The following SV2C variants were observed in gnomAD, a reference collection of about 807,000 sequenced individuals.
SV2C encodes the protein synaptic vesicle glycoprotein 2C.
SV2C carries 49 observed loss-of-function variants against 79.7 expected under a neutral mutation model. That is an observed-to-expected ratio of 0.61 (90% CI 0.49 to 0.78). The LOEUF (loss-of-function observed/expected upper bound fraction) is 0.78, where lower values mean the gene tolerates loss of function less well. Among genes scored for constraint, SV2C ranks in the 30% least tolerant of loss-of-function variants. The pLI, the probability that SV2C is intolerant of heterozygous loss-of-function variation, is 0.00. For synonymous variants in SV2C, 334 were observed against 333.2 expected (o/e 1.00, Z -0.03); for missense variants, 833 against 912.9 (o/e 0.91, Z 1.13).
chr5:76,048,826 A>T, the SV2C span, among the ~76,000 whole-genome samples: 1,968 of 109,048 alleles, frequency 0.018, 62 homozygotes, highest in African/African-American at 0.065. Context: ...AAAAAAAAAA[A>T]TTTTGGGGCT....
intron 1 of SV2C, among the ~76,000 whole-genome samples, chr5:76,087,117 A>G (rs1039979579): frequency 3.3e-5 from 5 of 152,236 alleles, no homozygotes; most frequent in Non-Finnish European, 7.3e-5. Context: ...AAAATTTTAC[A>G]TGAAGCTATA....
chr5:76,064,965 T>G, the SV2C span, among the ~76,000 whole-genome samples: 1 of 152,162 alleles, frequency 6.6e-6, no homozygotes, highest in Non-Finnish European at 1.5e-5. Flanking sequence ...TAAAAGAATC[T>G]TAAAAGGGAA....
chr5:76,285,885 C>G lies in SV2C; in HGVS notation c.1137+15C>G. 6.2e-7 allele frequency: 1 copy of G among 1,604,784 alleles called. No homozygotes were observed. The highest frequency in any genetic ancestry group is 1.7e-5 in the Admixed American group (1 of 58,532). On this transcript the variant is annotated intron_variant, in intron 6 of 12. Coordinates refer to ENST00000502798, the MANE Select transcript of SV2C (RefSeq NM_014979.4). ...AGGTCTTCACGGTGAGTCTTCTCCC[C>G]AGAGAATCCTCAACACCAGGGATTG...
At chr5:76,167,412 C>T (rs1743078030) in intron 2 of SV2C, among the ~76,000 whole-genome samples, 1 of 152,160 alleles carries the variant, frequency 6.6e-6, no homozygotes, top group Non-Finnish European at 1.5e-5. Flanking sequence ...GGGAAAGCCC[C>T]AACCTGCCAT....
At chr5:75,907,587 G>A in the SV2C span, among the ~76,000 whole-genome samples, 2 of 152,124 alleles carry the variant, frequency 1.3e-5, no homozygotes, top group Admixed American at 1.3e-4. Flanking sequence ...TGGGTAAATG[G>A]GAAACATCAT....
intron 6 of SV2C, chr5:76,286,752 A>C (rs950268317): frequency 6.6e-6 from 1 of 152,232 alleles, no homozygotes; most frequent in Admixed American, 6.5e-5. Context: ...TGATCATGGC[A>C]GAAGGGGAAG....
the SV2C span, among the ~76,000 whole-genome samples, chr5:75,941,723 GA>G: frequency 6.6e-6 from 1 of 152,156 alleles, no homozygotes; most frequent in East Asian, 1.9e-4. Flanking sequence ...CAGGCCTCAG[GA>G]AGCAGAATCT....
At chr5:76,056,705 G>A in the SV2C span, among the ~76,000 whole-genome samples, 6 of 140,742 alleles carry the variant, frequency 4.3e-5, no homozygotes, top group South Asian at 1.4e-3. Context: ...GGTCTATTCA[G>A]GGATTTGATT....
Position 76,325,642 on chromosome 5 carries a change from G to A in SV2C, c.*95G>A. On this transcript the variant is annotated 3_prime_UTR_variant, in exon 13 of 13. Coordinates refer to ENST00000502798, the MANE Select transcript of SV2C (RefSeq NM_014979.4). Reference sequence around the variant, plus strand: ...GCTTCAGAGTTTTCCTATATAGAAAGGTGATCAAGTATCAGAACATAAACA... The same window carrying A: ...GCTTCAGAGTTTTCCTATATAGAAAAGTGATCAAGTATCAGAACATAAACA... The A allele has an allele frequency of 2.6e-6, 4 of 1,513,878 alleles. No individual in the cohort carries two copies. Among genetic ancestry groups the A allele is most frequent in the Non-Finnish European group, 3.5e-6 (4 of 1,129,134 alleles). 93.8% of individuals were successfully genotyped at this position (1,513,878 alleles called of 1,614,324 possible). A position where few individuals can be genotyped will look rare whatever the true frequency, so the allele number is the denominator to read the frequency against.
At chr5:76,001,462 C>T in the SV2C span, among the ~76,000 whole-genome samples, 4 of 151,860 alleles carry the variant, frequency 2.6e-5, no homozygotes, top group African/African-American at 9.7e-5. Flanking sequence ...ATTAGCCTGG[C>T]GTGGTGGTGG....
intron 1 of SV2C, among the ~76,000 whole-genome samples, chr5:76,102,690 C>A (rs1460916347): frequency 6.6e-6 from 1 of 152,116 alleles, no homozygotes; most frequent in Admixed American, 6.5e-5. Context: ...AAGTTCTGCC[C>A]ATATACCAAG....
chr5:76,256,162 C>T (rs1411492006), intron 4 of SV2C, among the ~76,000 whole-genome samples: 1 of 152,184 alleles, frequency 6.6e-6, no homozygotes, highest in Non-Finnish European at 1.5e-5. Flanking sequence ...CTCTGGCCCT[C>T]AGAGCTAGAG....
In SV2C at chr5:76,132,183, T is replaced by A; in HGVS notation, c.433T>A (p.Cys145Ser). 1.2e-6 allele frequency: 2 copies of A among 1,614,160 alleles called. No individual in the cohort carries two copies. Among genetic ancestry groups the A allele is most frequent in the Non-Finnish European group, 1.7e-6 (2 of 1,180,030 alleles). Residue 145 changes from cysteine to serine, a missense_variant, in exon 2 of 13, where the codon TGC becomes AGC. Transcript: ENST00000502798. ...GCAGTATGAGCTGATAATCCAAGAA[T>A]GCGGTCATGGTCGTTTTCAGTGGGC... ...AQQYELIIQECGHGRFQWALF... is the reference protein window; with the variant it reads ...AQQYELIIQESGHGRFQWALF...
chr5:76,003,788 T>C, the SV2C span, among the ~76,000 whole-genome samples: 7 of 152,220 alleles, frequency 4.6e-5, no homozygotes, highest in East Asian at 1.4e-3. Context: ...TTTTGGCCTC[T>C]GGGTCAGGAC....
At chr5:75,971,699 T>C in the SV2C span, among the ~76,000 whole-genome samples, 1 of 152,148 alleles carries the variant, frequency 6.6e-6, no homozygotes, top group African/African-American at 2.4e-5. Context: ...TGCAAGAACA[T>C]TCCAAGCTCA....
At chr5:75,894,268 A>G in the SV2C span, among the ~76,000 whole-genome samples, 2 of 152,046 alleles carry the variant, frequency 1.3e-5, no homozygotes, top group Non-Finnish European at 2.9e-5. Flanking sequence ...ACACTGGCAT[A>G]CTTGTCAGGA....
At chr5:75,852,297 A>G in the SV2C span, among the ~76,000 whole-genome samples, 2 of 152,232 alleles carry the variant, frequency 1.3e-5, no homozygotes, top group East Asian at 3.8e-4. Context: ...CATGTACCCC[A>G]GAACTTAAAG....
Position 76,291,242 on chromosome 5 carries a change from A to G in SV2C, c.1159A>G (p.Lys387Glu). ...ACAGGTAAACAAAATAAAAACTCCT[A>G]AACAAATAGATGAGCTGATTGAAAT... ...VFTVNKIKTP[K>E]QIDELIEIES... is the part of the protein sequence containing the mutation. The change falls in exon 7 of 13, where the codon AAA becomes GAA. Residue 387 changes from lysine to glutamate, a missense_variant. By Grantham distance (56) the Lys-to-Glu change is moderately conservative. Transcript: ENST00000502798. 3 of 1,610,852 alleles carry G rather than the reference A, an allele frequency of 1.9e-6. No homozygotes were observed. Among genetic ancestry groups the G allele is most frequent in the East Asian group, 2.2e-5 (1 of 44,844 alleles).
At chr5:76,244,412 A>G (rs1190476638) in intron 4 of SV2C, among the ~76,000 whole-genome samples, 3 of 152,262 alleles carry the variant, frequency 2.0e-5, no homozygotes, top group Admixed American at 6.5e-5. Flanking sequence ...CAGTAGAAAT[A>G]TAACATGAGC....
Sources: allele counts gnomAD v4.1 joint callset (sites outside exome capture counted in the v4.1 genomes callset), GRCh38; gene constraint gnomAD v4.1.1; transcripts MANE v1.5; gene names NCBI Gene and HGNC (gene_info 2026-07-23, HGNC 2026-07-21).